Variants in ANXA3 observed in about 807,000 individuals in gnomAD.
ANXA3 encodes the protein 35-alpha calcimedin.
Under a neutral mutation model 48.8 loss-of-function variants are expected in ANXA3, and 46 were observed. The ratio of observed to expected loss-of-function variants is 0.94; its 90% CI spans 0.74 to 1.21. The LOEUF (loss-of-function observed/expected upper bound fraction) is 1.21, where lower values mean the gene tolerates loss of function less well. Among genes scored for constraint, ANXA3 ranks in the 50% most tolerant of loss-of-function variants. The pLI, the probability that ANXA3 is intolerant of heterozygous loss-of-function variation, is 0.00. For synonymous variants in ANXA3, 128 were observed against 134.7 expected, an observed-to-expected ratio of 0.95 and a Z score of 0.35; for missense variants, 383 against 378.6, an observed-to-expected ratio of 1.01 and a Z score of -0.10.
intron 7 of ANXA3, among the ~76,000 whole-genome samples, chr4:78,593,113 C>CCA (rs59972919): frequency 0.1 from 14,872 of 143,572 alleles, 795 homozygotes; most frequent in African/African-American, 0.15. Context: ...AACACACATA[C>CCA]CACACACACA....
intron 2 of ANXA3, among the ~76,000 whole-genome samples, chr4:78,556,739 A>G (rs1305179879): frequency 1.3e-5 from 2 of 152,162 alleles, no homozygotes; most frequent in Non-Finnish European, 2.9e-5. Context: ...ATCAGATGAA[A>G]AAAGCATCTC....
chr4:78,569,575 G>C (rs1016763208), intron 2 of ANXA3, among the ~76,000 whole-genome samples: 3 of 152,196 alleles, frequency 2.0e-5, no homozygotes, highest in Non-Finnish European at 4.4e-5. Flanking sequence ...AAATAAAGCA[G>C]TGCTTCTTAA....
At chr4:78,601,703 C>G (rs1006512580) in intron 11 of ANXA3, 135 bp downstream of exon 11, 39 of 726,606 alleles carry the variant, frequency 5.4e-5, no homozygotes, top group Non-Finnish European at 6.6e-5. Context: ...TATATTACAG[C>G]AAATCAAGGT....
intron 2 of ANXA3, among the ~76,000 whole-genome samples, chr4:78,557,500 G>A (rs1030097735): frequency 6.6e-6 from 1 of 152,044 alleles, no homozygotes; most frequent in East Asian, 1.9e-4. Flanking sequence ...ATTTTAGGAG[G>A]CTGTTGTTCT....
intron 11 of ANXA3, 100 bp from the exon 12 acceptor site, chr4:78,604,177 A>T: frequency 9.3e-7 from 1 of 1,078,018 alleles, no homozygotes; most frequent in Non-Finnish European, 1.3e-6. Flanking sequence ...ACTATAGTTG[A>T]ATATTTTGCA....
Position 78,602,662 on chromosome 4 carries a change from C to T in ANXA3, c.789+1094C>T, listed in dbSNP as rs1723567973. ...TCCTCAGACCCTAGGGCCTTGTGCA[C>T]AGAAGATGCTTACCTCCATCTCTTT... On this transcript the variant is annotated intron_variant, in intron 11 of 12. Coordinates refer to ENST00000264908, the MANE Select transcript of ANXA3 (RefSeq NM_005139.3). 3 of 152,272 alleles carry T rather than the reference C, an allele frequency of 2.0e-5. No individual in the cohort carries two copies. The South Asian group carries it at 6.2e-4, about 32-fold the overall frequency. 9.4% of individuals were successfully genotyped at this position (152,272 alleles called of 1,614,324 possible). A position where few individuals can be genotyped will look rare whatever the true frequency, so the allele number is the denominator to read the frequency against.
intron 12 of ANXA3, among the ~76,000 whole-genome samples, chr4:78,606,118 C>T (rs10001246): frequency 0.74 from 112,035 of 152,226 alleles, 41,437 homozygotes; most frequent in East Asian, 0.9. Flanking sequence ...GGGGAAAAGA[C>T]AGAGTCAGGG....
chr4:78,561,369 G>C (rs187872957), intron 2 of ANXA3, among the ~76,000 whole-genome samples: 32 of 152,228 alleles, frequency 2.1e-4, no homozygotes, highest in Admixed American at 1.4e-3. Flanking sequence ...CTTAGGAAAG[G>C]TGCAATGTGC....
chr4:78,601,067 G>C (rs984901841), intron 10 of ANXA3, among the ~76,000 whole-genome samples: 6 of 151,976 alleles, frequency 3.9e-5, no homozygotes, highest in African/African-American at 1.5e-4. Context: ...CTTTTAAATG[G>C]AACTCCAGTG....
At chr4:78,574,824 C>G (rs908085631) in intron 3 of ANXA3, among the ~76,000 whole-genome samples, 2 of 152,102 alleles carry the variant, frequency 1.3e-5, no homozygotes, top group African/African-American at 4.8e-5. Context: ...ATGAATATTC[C>G]TCTCATGTCT....
intron 3 of ANXA3, among the ~76,000 whole-genome samples, chr4:78,578,594 G>T (rs1723010265): frequency 6.6e-6 from 1 of 152,130 alleles, no homozygotes; most frequent in South Asian, 2.1e-4. Context: ...GAATAAAAGG[G>T]TGTTTCATGC....
intron 2 of ANXA3, among the ~76,000 whole-genome samples, chr4:78,570,353 G>A (rs1722819203): frequency 6.6e-6 from 1 of 152,172 alleles, no homozygotes; most frequent in South Asian, 2.1e-4. Context: ...TTCACAGCTG[G>A]AGTGCAAACC....
In ANXA3 at chr4:78,604,385, T is replaced by C. The variant is rs921621171; in HGVS notation, c.898T>C (p.Tyr300His). 6.2e-7 allele frequency: 1 copy of C among 1,611,282 alleles called. No homozygotes were observed. Among genetic ancestry groups the C allele is most frequent in the Non-Finnish European group, 8.5e-7 (1 of 1,178,520 alleles). ...EFKKHYGYSL[Y>H]SAIKSDTSGD... is the part of the protein sequence containing the mutation. The stretch of plus-strand genomic sequence containing the variant: ...CAAGAAGCATTATGGCTATTCCCTA[T>C]ATTCAGCAATTAAAGTAAGTCTACT... Residue 300 changes from tyrosine to histidine, a missense_variant, in exon 12 of 13, where the codon TAT becomes CAT. Transcript: ENST00000264908.
intron 6 of ANXA3, among the ~76,000 whole-genome samples, chr4:78,590,845 T>C (rs1338827490): frequency 2.0e-5 from 3 of 150,572 alleles, no homozygotes; most frequent in Non-Finnish European, 4.4e-5. Flanking sequence ...AGTTTATTTC[T>C]ATCATATGTA....
intron 2 of ANXA3, among the ~76,000 whole-genome samples, chr4:78,563,066 T>C (rs143522099): frequency 3.9e-5 from 6 of 152,318 alleles, no homozygotes; most frequent in Non-Finnish European, 7.4e-5. Flanking sequence ...TCACATGGAC[T>C]GTTCAAGGAG....
chr4:78,554,601 A>T, intron 2 of ANXA3, 113 bp downstream of exon 2: 1 of 875,238 alleles, frequency 1.1e-6, no homozygotes, highest in African/African-American at 1.7e-5. Context: ...TATCTGGCAA[A>T]ATTAACATGC....
At chr4:78,601,854 G>T (rs1348439098) in intron 11 of ANXA3, 1 of 256,396 alleles carries the variant, frequency 3.9e-6, no homozygotes, top group Non-Finnish European at 7.3e-6. Flanking sequence ...CTAATATGAT[G>T]AGTTTAAGTA....
intron 6 of ANXA3, among the ~76,000 whole-genome samples, chr4:78,591,148 T>A (rs1158179614): frequency 6.6e-6 from 1 of 152,208 alleles, no homozygotes; most frequent in Middle Eastern, 3.2e-3. Context: ...GAGAAAGTAG[T>A]TTTTAAGCTG....
chr4:78,571,011 T>G (rs1232254151), intron 2 of ANXA3: 1 of 152,170 alleles, frequency 6.6e-6, no homozygotes, highest in Admixed American at 6.5e-5. Flanking sequence ...TCTTTCTTTC[T>G]TTCTTTCTTT....
Sources: gnomAD v4.1 joint callset for allele counts (sites outside exome capture counted in the v4.1 genomes callset) on GRCh38, gnomAD v4.1.1 for gene constraint, MANE v1.5 for transcripts, NCBI Gene and HGNC (gene_info 2026-07-23, HGNC 2026-07-21) for gene names.